The following MARCHF1 variants were observed in gnomAD, a reference collection of about 807,000 sequenced individuals.
The protein encoded by MARCHF1 is membrane associated ring-CH-type finger 1.
A neutral mutation model predicts 54.2 loss-of-function variants in MARCHF1; 40 were observed. That is an observed-to-expected ratio of 0.74 (90% confidence interval 0.57 to 0.96). The LOEUF is 0.96. Among genes scored for constraint, MARCHF1 ranks in the 40% least tolerant of loss-of-function variants. MARCHF1 has a pLI of 0.00. For missense variants in MARCHF1, 586 were observed against 656.5 expected, an observed-to-expected ratio of 0.89 and a Z score of 1.17; for synonymous variants, 236 against 236.3, an observed-to-expected ratio of 1.00 and a Z score of 0.01.
intron 3 of MARCHF1, among the ~76,000 whole-genome samples, chr4:163,935,139 T>C (rs1751766099): frequency 6.6e-6 from 1 of 152,112 alleles, no homozygotes; most frequent in Admixed American, 6.6e-5. Context: ...TGTTGCTTAA[T>C]ATAAAGTGTA....
chr4:163,617,247 G>A (rs1741544109), intron 5 of MARCHF1, among the ~76,000 whole-genome samples: 4 of 152,124 alleles, frequency 2.6e-5, no homozygotes, highest in Admixed American at 2.6e-4. Context: ...GACTGGCAAG[G>A]ATAGGGAAAA....
In MARCHF1 at chr4:164,081,059, T is replaced by G. The variant is rs187259105; in HGVS notation, c.-248+30529A>C. On this transcript the variant is annotated intron_variant, in intron 2 of 9. Coordinates refer to ENST00000514618, the MANE Select transcript of MARCHF1 (RefSeq NM_001394959.1). ...CCGTGTCTACTAAAAATACAAAAAA[T>G]TAGCCGGGAGCGGTGGCGGGCTCCT... Among the ~76,000 whole-genome samples, 1,289 of 147,422 alleles carry G rather than the reference T, an allele frequency of 8.7e-3. 19 individuals carry two copies. The highest frequency in any genetic ancestry group is 0.051 in the East Asian group (258 of 5,066).
rs999240953 is a variant in MARCHF1 at position 163,662,798 on chromosome 4, G to GA, written c.162+38014dup. Among the ~76,000 whole-genome samples the GA allele has an allele frequency of 3.5e-3, 516 of 146,212 alleles. 4 individuals carry two copies. Among genetic ancestry groups the GA allele is most frequent in the African/African-American group, 0.011 (458 of 40,018 alleles). On this transcript the variant is annotated intron_variant, in intron 5 of 9. Coordinates refer to ENST00000514618, the MANE Select transcript of MARCHF1 (RefSeq NM_001394959.1). ...TCTTTCTGTTTTGTCAGTTCACTGA[G>GA]AAAAAAAAAAATCGTACAATCTCTT...
At position 164,041,165 on chromosome 4, in the gene MARCHF1, T is replaced by C. The variant is rs28575578; in HGVS notation, c.-247-52456A>G. ...ATATATGGCAAACATATCTAGATAT[T>C]TGTCACTTAAGCAGACCGAGAATTG... On this transcript the variant is annotated intron_variant, in intron 2 of 9. Transcript: ENST00000514618. 9.6e-4 allele frequency among the ~76,000 whole-genome samples: 146 copies of C among 152,188 alleles called. 1 individual carries two copies. Among genetic ancestry groups the C allele is most frequent in the African/African-American group, 3.1e-3 (127 of 41,560 alleles).
At chr4:163,576,636 G>T (rs1397490294) in intron 8 of MARCHF1, among the ~76,000 whole-genome samples, 1 of 151,972 alleles carries the variant, frequency 6.6e-6, no homozygotes, top group Non-Finnish European at 1.5e-5. Context: ...TGTCAGTGGG[G>T]TGTTGCCCAC....
At chr4:164,042,229 G>A (rs1281588936) in intron 2 of MARCHF1, among the ~76,000 whole-genome samples, 2 of 152,074 alleles carry the variant, frequency 1.3e-5, no homozygotes, top group African/African-American at 4.8e-5. Context: ...GAACAAGTAG[G>A]GATTCATTTC....
At chr4:164,377,316 A>G (rs1198587949) in intron 1 of MARCHF1, among the ~76,000 whole-genome samples, 1 of 152,264 alleles carries the variant, frequency 6.6e-6, no homozygotes, top group East Asian at 1.9e-4. Context: ...GAATTGGTCT[A>G]GAAATACGTT....
chr4:163,974,342 T>G (rs1248773031), intron 3 of MARCHF1, among the ~76,000 whole-genome samples: 1 of 152,184 alleles, frequency 6.6e-6, no homozygotes, highest in East Asian at 1.9e-4. Context: ...ATTGGACTAT[T>G]CTGAGATCAC....
At chr4:163,924,796 G>A (rs997247739) in intron 3 of MARCHF1, among the ~76,000 whole-genome samples, 2 of 151,698 alleles carry the variant, frequency 1.3e-5, no homozygotes, top group Admixed American at 6.6e-5. Context: ...CGCCAAATTT[G>A]CTCTACTGTC....
At chr4:164,307,198 T>A (rs1249541610) in intron 1 of MARCHF1, among the ~76,000 whole-genome samples, 1 of 152,078 alleles carries the variant, frequency 6.6e-6, no homozygotes, top group East Asian at 1.9e-4. Context: ...GACCCTCAGA[T>A]ACATATATAA....
At chr4:164,235,085 T>C (rs1478710499) in intron 1 of MARCHF1, among the ~76,000 whole-genome samples, 1 of 152,064 alleles carries the variant, frequency 6.6e-6, no homozygotes, top group African/African-American at 2.4e-5. Context: ...TAAAGAAGGG[T>C]GTTCTCTAAA....
At chr4:163,931,279 A>G (rs79205679) in intron 3 of MARCHF1, among the ~76,000 whole-genome samples, 3,679 of 152,240 alleles carry the variant, frequency 0.024, 168 homozygotes, top group East Asian at 0.19. Flanking sequence ...TGAGCTGACT[A>G]AGTGTTTTTT....
intron 1 of MARCHF1, among the ~76,000 whole-genome samples, chr4:164,322,400 G>T (rs920853453): frequency 6.6e-6 from 1 of 151,852 alleles, no homozygotes; most frequent in Non-Finnish European, 1.5e-5. Flanking sequence ...TCACATGGTA[G>T]CTCAATATTT....
At chr4:163,692,091 C>T (rs1216226611) in intron 5 of MARCHF1, among the ~76,000 whole-genome samples, 2 of 152,048 alleles carry the variant, frequency 1.3e-5, no homozygotes, top group Non-Finnish European at 2.9e-5. Flanking sequence ...CTGGCGTGGC[C>T]CAAGGATCAT....
At chr4:163,659,784 C>T (rs1482751559) in intron 5 of MARCHF1, among the ~76,000 whole-genome samples, 1 of 151,890 alleles carries the variant, frequency 6.6e-6, no homozygotes, top group Non-Finnish European at 1.5e-5. Flanking sequence ...ATGCAGCCAA[C>T]AAACATACGG....
At chr4:164,235,289 C>G (rs778986996) in intron 1 of MARCHF1, among the ~76,000 whole-genome samples, 7 of 152,042 alleles carry the variant, frequency 4.6e-5, no homozygotes, top group Non-Finnish European at 8.8e-5. Flanking sequence ...CAAAAATATA[C>G]AAAATTATCT....
intron 5 of MARCHF1, among the ~76,000 whole-genome samples, chr4:163,620,179 A>G (rs147179851): frequency 1.5e-3 from 226 of 152,316 alleles, no homozygotes; most frequent in Middle Eastern, 6.8e-3. Flanking sequence ...ATCAATCTCA[A>G]TAAGCAGATA....
At chr4:164,308,075 G>A (rs575358519) in intron 1 of MARCHF1, among the ~76,000 whole-genome samples, 3 of 152,226 alleles carry the variant, frequency 2.0e-5, no homozygotes, top group East Asian at 1.9e-4. Context: ...ACCAGTGTAT[G>A]GGAGAGGCTG....
At chr4:163,584,237 T>C (rs1292975373) in intron 8 of MARCHF1, 2 of 151,930 alleles carry the variant, frequency 1.3e-5, no homozygotes, top group Non-Finnish European at 2.9e-5. Context: ...AAAATTAGAA[T>C]ATGTTATTAT....
Sources: gnomAD v4.1 joint callset for allele counts (sites outside exome capture counted in the v4.1 genomes callset) on GRCh38, gnomAD v4.1.1 for gene constraint, MANE v1.5 for transcripts, NCBI Gene and HGNC (gene_info 2026-07-23, HGNC 2026-07-21) for gene names.